ARID3A: variants seen among roughly 807,000 people sequenced by gnomAD.
The protein encoded by ARID3A is AT-rich interactive domain-containing protein 3A.
Under a neutral mutation model 52.7 loss-of-function variants are expected in ARID3A, and 11 were observed. The observed-to-expected ratio is 0.21, with a 90% confidence interval of 0.13 to 0.35. The LOEUF (loss-of-function observed/expected upper bound fraction) is 0.35. Ranked by LOEUF, ARID3A falls within the 10% of genes least tolerant of loss-of-function variation. The pLI is 1.00. For missense variants in ARID3A, 721 were observed against 838.5 expected (o/e 0.86, Z 1.73); for synonymous variants, 404 against 359.4 (o/e 1.12, Z -1.40).
At chr19:971,796 A>G in intron 8 of ARID3A, 82 bp from the exon 9 acceptor site, 1 of 1,478,244 alleles carries the variant, frequency 6.8e-7, no homozygotes, top group Non-Finnish European at 9.0e-7. Context: ...TATTCCCCGG[A>G]GCACCCCATT....
chr19:926,458 T>C (rs1434621722), intron 1 of ARID3A, among the ~76,000 whole-genome samples: 78 of 146,502 alleles, frequency 5.3e-4, no homozygotes, highest in African/African-American at 1.9e-3. Flanking sequence ...CGCCCCCCCC[T>C]CCCCAGCGGA....
rs1235008185 is a variant in ARID3A at position 964,301 on chromosome 19, A to G, written c.820A>G (p.Met274Val). Residue 274 changes from methionine to valine, a missense_variant, in exon 5 of 9, where the codon ATG becomes GTG. This residue lies in a region of ARID3A where 43 missense variants were observed against 143.7 expected (regional missense o/e 0.30). Coordinates refer to ENST00000263620, the MANE Select transcript of ARID3A (RefSeq NM_005224.3). The surrounding 1 kb of genome is among the most constrained non-coding windows in gnomAD (Gnocchi z 5.7). ...GGCCAAACAGGTCCTTGACCTGTTC[A>G]TGCTGTACGTGCTGGTGACGGAGAA... Reference protein sequence around the residue: ...IMAKQVLDLFMLYVLVTEKGG... With the variant: ...IMAKQVLDLFVLYVLVTEKGG... The G allele has an allele frequency of 4.3e-6, 7 of 1,613,970 alleles. 1 individual carries two copies. Among genetic ancestry groups the G allele is most frequent in the East Asian group, 4.5e-5 (2 of 44,880 alleles).
At chr19:955,447 C>T (rs953255552) in intron 3 of ARID3A, among the ~76,000 whole-genome samples, 4 of 152,208 alleles carry the variant, frequency 2.6e-5, no homozygotes, top group South Asian at 2.1e-4. Context: ...GGGGTCTGAC[C>T]GTGCCTCGCC....
chr19:974,359 C>A lies in ARID3A; in HGVS notation c.*2294C>A, dbSNP rs1172090658. 2 of 228,954 alleles carry A rather than the reference C, an allele frequency of 8.7e-6. No individual in the cohort carries two copies. The highest frequency in any genetic ancestry group is 1.7e-5 in the Non-Finnish European group (2 of 115,380). The allele number at this position is 228,954 out of a possible 1,614,324, so 14.2% of individuals were successfully genotyped here. On this transcript the variant is annotated 3_prime_UTR_variant, in exon 9 of 9. Coordinates refer to ENST00000263620, the MANE Select transcript of ARID3A (RefSeq NM_005224.3). ...GGCCAGCACCGTAGCAGCACAATCACCCCGGGAAGGGGGTGTCTGTTTGCC... is the reference window on the plus strand; with the variant it reads ...GGCCAGCACCGTAGCAGCACAATCAACCCGGGAAGGGGGTGTCTGTTTGCC...
chr19:965,135 G>C (rs1229981064), intron 6 of ARID3A, 55 bp downstream of exon 6: 2 of 1,527,274 alleles, frequency 1.3e-6, no homozygotes, highest in South Asian at 1.2e-5. Context: ...CAGCCTGGCT[G>C]TCTGACCTTG....
chr19:968,481 G>T lies in ARID3A; in HGVS notation c.1572G>T (p.Glu524Asp). The T allele has an allele frequency of 6.2e-7, 1 of 1,613,970 alleles. No homozygotes were observed. The highest frequency in any genetic ancestry group is 8.5e-7 in the Non-Finnish European group (1 of 1,179,956). ...GCAACAGCATCAGCATGTCGGTGGA[G>T]ATCAACGGCATCATGTACACAGGTA... The part of the protein sequence containing the change: ...NGSNSISMSV[E>D]INGIMYTGVL... Residue 524 changes from glutamate to aspartate, a missense_variant, in exon 8 of 9, where the codon GAG becomes GAT. Around this residue, in one of 5 missense-constraint regions of ARID3A, gnomAD observed 297 missense variants for 343.2 expected, o/e 0.87. Transcript: ENST00000263620.
In ARID3A at chr19:965,005, C is replaced by T. The variant is rs1473621977; in HGVS notation, c.1123C>T (p.Leu375=). The T allele has an allele frequency of 1.6e-5, 26 of 1,613,834 alleles. No homozygotes were observed. Among genetic ancestry groups the T allele is most frequent in the Non-Finnish European group, 2.2e-5 (26 of 1,180,016 alleles). Residue 375 remains leucine (L), a synonymous_variant, in exon 6 of 9, where the codon CTA becomes TTA. Coordinates refer to ENST00000263620, the MANE Select transcript of ARID3A (RefSeq NM_005224.3). ...GAHGMLSSPK[L]PVSSLGLAAS... ...ACACGGCATGCTCTCCTCACCCAAG[C>T]TACCCGTGTCCTCCCTGGGCCTGGC...
chr19:942,121 G>C lies in ARID3A; in HGVS notation c.693+9379G>C, dbSNP rs1422771139. 1.3e-5 allele frequency among the ~76,000 whole-genome samples: 2 copies of C among 152,168 alleles called. No homozygotes were observed. Among genetic ancestry groups the C allele is most frequent in the East Asian group, 1.9e-4 (1 of 5,182 alleles). On this transcript the variant is annotated intron_variant, in intron 3 of 8. Transcript: ENST00000263620. The surrounding 1 kb of genome is among the most constrained non-coding windows in gnomAD (Gnocchi z 8.1). ...GGGCTCTGGAGCCAGCCTAGCCGAT[G>C]ATGGAGCCCCAGTGGCCACCGAGCT...
In ARID3A at chr19:938,311, G is replaced by A. The variant is rs1432353542; in HGVS notation, c.693+5569G>A. On this transcript the variant is annotated intron_variant, in intron 3 of 8. Coordinates refer to ENST00000263620, the MANE Select transcript of ARID3A (RefSeq NM_005224.3). The surrounding 1 kb of genome is among the most constrained non-coding windows in gnomAD (Gnocchi z 4.0). ...AGGTGTAGGAATGACGGCACTAGCCGGTATCTGTTGCTTCACTGCGTGAAG... is the reference window on the plus strand; with the variant it reads ...AGGTGTAGGAATGACGGCACTAGCCAGTATCTGTTGCTTCACTGCGTGAAG... Among the ~76,000 whole-genome samples the A allele has an allele frequency of 1.3e-5, 2 of 152,176 alleles. No individual in the cohort carries two copies. Among genetic ancestry groups the A allele is most frequent in the East Asian group, 1.9e-4 (1 of 5,208 alleles).
Position 966,494 on chromosome 19 carries a change from A to G in ARID3A, c.1199-78A>G, listed in dbSNP as rs569904414. The stretch of plus-strand genomic sequence containing the variant: ...AAAAAAAGAAAAGAAAAGAAAAAAG[A>G]AGGTGCATGTTCCTGCCTTGAGTGG... On this transcript the variant is annotated intron_variant, in intron 6 of 8. Coordinates refer to ENST00000263620, the MANE Select transcript of ARID3A (RefSeq NM_005224.3). 932 of 1,182,016 alleles carry G rather than the reference A, an allele frequency of 7.9e-4. 5 individuals carry two copies. Among genetic ancestry groups the G allele is most frequent in the Non-Finnish European group, 9.5e-4 (823 of 863,140 alleles). The allele number at this position is 1,182,016 out of a possible 1,614,324, so 73.2% of individuals were successfully genotyped here. A position where few individuals can be genotyped will look rare whatever the true frequency, so the allele number is the denominator to read the frequency against.
intron 2 of ARID3A, among the ~76,000 whole-genome samples, chr19:931,860 G>T (rs1055069889): frequency 1.3e-5 from 2 of 152,088 alleles, no homozygotes; most frequent in Non-Finnish European, 2.9e-5. Flanking sequence ...AGTCTAGGAG[G>T]GTGCCGTGGA....
chr19:946,439 C>CTTTTTTTT (rs58290960), intron 3 of ARID3A, among the ~76,000 whole-genome samples: 1 of 60,402 alleles, frequency 1.7e-5, no homozygotes, highest in Non-Finnish European at 3.2e-5. Context: ...TTTTTTGAAT[C>CTTTTTTTT]TTTTTTTTTT....
chr19:958,659 C>T lies in ARID3A; in HGVS notation c.694-1433C>T, dbSNP rs1410932609. 4.6e-5 allele frequency among the ~76,000 whole-genome samples: 7 copies of T among 151,436 alleles called. No individual in the cohort carries two copies. The East Asian group carries it at 7.9e-4, about 17-fold the overall frequency. On this transcript the variant is annotated intron_variant, in intron 3 of 8. Coordinates refer to ENST00000263620, the MANE Select transcript of ARID3A (RefSeq NM_005224.3). Reference sequence around the variant, plus strand: ...CTGTAATCCCAGCACTTTGGGAGGCCGAGGCGGGCGGATCACGAGGTCAGG... The same window carrying T: ...CTGTAATCCCAGCACTTTGGGAGGCTGAGGCGGGCGGATCACGAGGTCAGG...
intron 3 of ARID3A, among the ~76,000 whole-genome samples, chr19:958,721 G>A (rs1208944653): frequency 2.6e-5 from 4 of 151,850 alleles, no homozygotes; most frequent in Non-Finnish European, 4.4e-5. Flanking sequence ...GTGAAGCCCC[G>A]TCTCTACTAA....
rs919487018 is a variant in ARID3A, at chr19:944,402, G to A, written c.693+11660G>A. On this transcript the variant is annotated intron_variant, in intron 3 of 8. Transcript: ENST00000263620. This position sits in a 1 kb window ranked among gnomAD's most constrained non-coding sequence, Gnocchi z 5.9. Reference sequence around the variant, plus strand: ...TGCACGGAGGCCTGTCTGGGTAGGAGTGTCGGTGGGGGCGGTCCCACACGG... The same window carrying A: ...TGCACGGAGGCCTGTCTGGGTAGGAATGTCGGTGGGGGCGGTCCCACACGG... Among the ~76,000 whole-genome samples the A allele has an allele frequency of 6.6e-6, 1 of 152,102 alleles. No homozygotes were observed. Among genetic ancestry groups the A allele is most frequent in the Non-Finnish European group, 1.5e-5 (1 of 68,002 alleles).
rs56404084 is a variant in ARID3A, at chr19:973,104, A to ATT, written c.*1059_*1060dup. ...GGGCTCTCGAGTCAGGGGCCTGGAA[A>ATT]TTTTTTTTTTTTTTTTTTTTTGAGA... On this transcript the variant is annotated 3_prime_UTR_variant, in exon 9 of 9. Transcript: ENST00000263620. 0.016 allele frequency: 842 copies of ATT among 53,662 alleles called. 149 individuals carry two copies. The highest frequency in any genetic ancestry group is 0.054 in the African/African-American group (768 of 14,256). The allele number at this position is 53,662 out of a possible 1,614,324, so 3.3% of individuals were successfully genotyped here.
chr19:960,213 C>A lies in ARID3A; in HGVS notation c.766+49C>A. The A allele has an allele frequency of 6.5e-7, 1 of 1,541,376 alleles. No individual in the cohort carries two copies. The highest frequency in any genetic ancestry group is 8.9e-7 in the Non-Finnish European group (1 of 1,126,290). ...CTGGAGGGAGGTCACAGAAACAGGGCTGTAGGAGGGGCCCTACTGGCTCCA... is the reference window on the plus strand; with the variant it reads ...CTGGAGGGAGGTCACAGAAACAGGGATGTAGGAGGGGCCCTACTGGCTCCA... On this transcript the variant is annotated intron_variant, in intron 4 of 8. Coordinates refer to ENST00000263620, the MANE Select transcript of ARID3A (RefSeq NM_005224.3). The surrounding 1 kb of genome is among the most constrained non-coding windows in gnomAD (Gnocchi z 4.3).
chr19:962,749 G>C (rs183381915), intron 4 of ARID3A, among the ~76,000 whole-genome samples: 1 of 151,880 alleles, frequency 6.6e-6, no homozygotes, highest in Admixed American at 6.6e-5. Context: ...TCCTGACCTT[G>C]GGTGATCCGC....
At position 947,889 on chromosome 19, in the gene ARID3A, C is replaced by T. The variant is rs531677861; in HGVS notation, c.694-12203C>T. Among the ~76,000 whole-genome samples, 2 of 152,222 alleles carry T rather than the reference C, an allele frequency of 1.3e-5. No individual in the cohort carries two copies. Among genetic ancestry groups the T allele is most frequent in the Non-Finnish European group, 2.9e-5 (2 of 68,040 alleles). On this transcript the variant is annotated intron_variant, in intron 3 of 8. Coordinates refer to ENST00000263620, the MANE Select transcript of ARID3A (RefSeq NM_005224.3). This position sits in a 1 kb window ranked among gnomAD's most constrained non-coding sequence, Gnocchi z 6.3. ...CCACGCCCGGCGGGGCTCTCAGCATCTGCATCCGCCGAGGCCTGGCTGTGC... is the reference window on the plus strand; with the variant it reads ...CCACGCCCGGCGGGGCTCTCAGCATTTGCATCCGCCGAGGCCTGGCTGTGC...
Sources: allele counts gnomAD v4.1 joint callset (sites outside exome capture counted in the v4.1 genomes callset), GRCh38; gene constraint gnomAD v4.1.1; regional missense constraint gnomAD v4.1.1; non-coding constraint Gnocchi (gnomAD v3.1); transcripts MANE v1.5; gene names NCBI Gene and HGNC (gene_info 2026-07-23, HGNC 2026-07-21).